SORCS2: variants seen among roughly 807,000 people sequenced by gnomAD.
SORCS2 encodes VPS10 domain-containing receptor SorCS2.
In SORCS2, 100 loss-of-function variants were observed where a neutral mutation model predicts 141.6. The observed-to-expected ratio is 0.71, with a 90% confidence interval of 0.60 to 0.83. The LOEUF (loss-of-function observed/expected upper bound fraction) is 0.83, where lower values mean the gene tolerates loss of function less well. Among genes scored for constraint, SORCS2 ranks in the 40% least tolerant of loss-of-function variants. The pLI, the probability that SORCS2 is intolerant of heterozygous loss-of-function variation, is 0.00. For synonymous variants in SORCS2, 789 were observed against 676.9 expected (o/e 1.17, Z -2.57); for missense variants, 1,646 against 1,560.2 (o/e 1.05, Z -0.93).
At chr4:7,422,580 C>G (rs1726151653) in intron 2 of SORCS2, among the ~76,000 whole-genome samples, 1 of 152,124 alleles carries the variant, frequency 6.6e-6, no homozygotes, top group Non-Finnish European at 1.5e-5. Flanking sequence ...TGCTCCTGCC[C>G]TAATCCCCTT....
At chr4:7,624,217 G>T (rs1242820771) in intron 3 of SORCS2, among the ~76,000 whole-genome samples, 1 of 152,130 alleles carries the variant, frequency 6.6e-6, no homozygotes, top group Non-Finnish European at 1.5e-5. Context: ...CCTGACTGGG[G>T]CTTCTCCAGA....
chr4:7,626,206 A>G lies in SORCS2; in HGVS notation c.649-12122A>G, dbSNP rs372401487. On this transcript the variant is annotated intron_variant, in intron 3 of 26. Transcript: ENST00000507866. ...TAAAAGTATGAAATACCGACCATTC[A>G]TAGATGACCTAGCAGGAAACCTTAG... Among the ~76,000 whole-genome samples, 10 of 152,346 alleles carry G rather than the reference A, an allele frequency of 6.6e-5. No individual in the cohort carries two copies. In the East Asian group the frequency reaches 7.7e-4, roughly 12 times the overall value.
chr4:7,321,368 A>T (rs984768117), intron 1 of SORCS2, among the ~76,000 whole-genome samples: 1 of 152,180 alleles, frequency 6.6e-6, no homozygotes, highest in Non-Finnish European at 1.5e-5. Context: ...GGGTGGTTAG[A>T]AAACCTTAAG....
At chr4:7,573,285 G>A (rs1378744301) in intron 3 of SORCS2, among the ~76,000 whole-genome samples, 1 of 152,190 alleles carries the variant, frequency 6.6e-6, no homozygotes, top group Non-Finnish European at 1.5e-5. Flanking sequence ...CTATTGAAAG[G>A]TGTTGTCTTC....
In SORCS2 at chr4:7,718,000, T is replaced by G; in HGVS notation, c.2253-12T>G. ...GTCTGAAGCGGACCCTGACCCTCTC[T>G]TGTCAATCCAGGTACCGGAAAGTGG... On this transcript the variant is annotated splice_polypyrimidine_tract_variant and intron_variant, in intron 17 of 26. Coordinates refer to ENST00000507866, the MANE Select transcript of SORCS2 (RefSeq NM_020777.3). 1 of 1,594,112 alleles carries G rather than the reference T, an allele frequency of 6.3e-7. No homozygotes were observed. Among genetic ancestry groups the G allele is most frequent in the Non-Finnish European group, 8.6e-7 (1 of 1,169,502 alleles).
intron 2 of SORCS2, among the ~76,000 whole-genome samples, chr4:7,477,739 C>T (rs550567796): frequency 5.3e-5 from 8 of 152,234 alleles, no homozygotes; most frequent in South Asian, 2.1e-4. Context: ...CCAGTGAAGC[C>T]GGAGAGAAAA....
At chr4:7,723,940 G>A (rs905091507) in intron 19 of SORCS2, 57 bp downstream of exon 19, 41 of 1,491,872 alleles carry the variant, frequency 2.7e-5, no homozygotes, top group Non-Finnish European at 3.6e-5. Flanking sequence ...AGAGAACCTG[G>A]CTTTGGGGGA....
chr4:7,443,442 A>G (rs542325865), intron 2 of SORCS2, among the ~76,000 whole-genome samples: 1 of 152,144 alleles, frequency 6.6e-6, no homozygotes, highest in Admixed American at 6.5e-5. Flanking sequence ...TGGAGCCTCA[A>G]CCCCCTGAGA....
chr4:7,678,692 C>G (rs1489064850), intron 9 of SORCS2, among the ~76,000 whole-genome samples: 5 of 150,532 alleles, frequency 3.3e-5, no homozygotes. Context: ...TGGCCCGGTT[C>G]AAAGGTGACA....
At position 7,240,897 on chromosome 4, in the gene SORCS2, C is replaced by G. The variant is rs184681081; in HGVS notation, c.480+47771C>G. Among the ~76,000 whole-genome samples the G allele has an allele frequency of 1.7e-3, 264 of 152,216 alleles. 1 individual carries two copies. Among genetic ancestry groups the G allele is most frequent in the African/African-American group, 6.2e-3 (256 of 41,530 alleles). On this transcript the variant is annotated intron_variant, in intron 1 of 26. Transcript: ENST00000507866. ...CAGATAAAACATAGGATTCTCAGCT[C>G]AATTTGAATTTTAGATAAGCAACAA...
At chr4:7,421,926 C>T (rs1157398480) in intron 2 of SORCS2, among the ~76,000 whole-genome samples, 2 of 146,810 alleles carry the variant, frequency 1.4e-5, no homozygotes, top group Non-Finnish European at 3.0e-5. Flanking sequence ...CGGGGCTGGG[C>T]ATCACGCTCC....
intron 1 of SORCS2, among the ~76,000 whole-genome samples, chr4:7,341,950 A>T (rs957764330): frequency 3.9e-5 from 6 of 152,138 alleles, no homozygotes; most frequent in African/African-American, 1.4e-4. Flanking sequence ...ATCATATATG[A>T]TGTGGTCTTT....
intron 1 of SORCS2, among the ~76,000 whole-genome samples, chr4:7,202,509 AAATAACAG>A (rs1727533715): frequency 6.6e-6 from 1 of 152,244 alleles, no homozygotes; most frequent in Non-Finnish European, 1.5e-5. Context: ...GAAGATCTTA[AAATAACAG>A]CACTCTCCTT....
rs112507875 is a variant in SORCS2, at chr4:7,416,892, GCA to G, written c.548+20545_548+20546del. Among the ~76,000 whole-genome samples the G allele has an allele frequency of 5.9e-3, 900 of 152,048 alleles. 11 individuals carry two copies. The highest frequency in any genetic ancestry group is 0.021 in the African/African-American group (854 of 41,488). ...CATGCTCAGACACACACATATGCAT[GCA>G]CACACACGTGTGCAGACACACTGAC... On this transcript the variant is annotated intron_variant, in intron 2 of 26. Transcript: ENST00000507866.
At chr4:7,527,257 A>G (rs1318299179) in intron 2 of SORCS2, among the ~76,000 whole-genome samples, 1 of 152,226 alleles carries the variant, frequency 6.6e-6, no homozygotes. Context: ...CCACGTCCTA[A>G]TCCCCGGAAA....
At chr4:7,606,821 G>C (rs1718093795) in intron 3 of SORCS2, among the ~76,000 whole-genome samples, 1 of 152,022 alleles carries the variant, frequency 6.6e-6, no homozygotes, top group Non-Finnish European at 1.5e-5. Context: ...TGACCCCAGG[G>C]GTAGCACATG....
rs765132758 is a variant in SORCS2 at position 7,676,824 on chromosome 4, T to TCTCTCTCTCTCTCTCTCC, written c.1341+600_1341+601insTCTCTCTCTCTCCCTCTC. ...TTCTGTCTCTCTCTCTCTCTCTCTC[T>TCTCTCTCTCTCTCTCTCC]CTCTCCCTCTCTCCACCCCAGCCCT... On this transcript the variant is annotated intron_variant, in intron 9 of 26. Coordinates refer to ENST00000507866, the MANE Select transcript of SORCS2 (RefSeq NM_020777.3). Among the ~76,000 whole-genome samples the TCTCTCTCTCTCTCTCTCC allele has an allele frequency of 2.2e-3, 110 of 49,086 alleles. 28 individuals carry two copies. The highest frequency in any genetic ancestry group is 2.8e-3 in the Non-Finnish European group (71 of 25,632). 32.2% of individuals were successfully genotyped at this position (49,086 alleles called of 152,430 possible).
intron 2 of SORCS2, among the ~76,000 whole-genome samples, chr4:7,439,084 C>T (rs1299185139): frequency 6.6e-6 from 1 of 152,090 alleles, no homozygotes; most frequent in Non-Finnish European, 1.5e-5. Flanking sequence ...ATGAAATGTG[C>T]TCATTGCTCC....
intron 2 of SORCS2, among the ~76,000 whole-genome samples, chr4:7,464,984 C>A (rs1318850084): frequency 6.6e-6 from 1 of 152,260 alleles, no homozygotes; most frequent in African/African-American, 2.4e-5. Flanking sequence ...GTGTCCTGAC[C>A]TTTGCCCTAA....
Sources: allele counts gnomAD v4.1 joint callset (sites outside exome capture counted in the v4.1 genomes callset), GRCh38; gene constraint gnomAD v4.1.1; transcripts MANE v1.5; gene names NCBI Gene and HGNC (gene_info 2026-07-23, HGNC 2026-07-21).